Variants in MALT1 observed in about 807,000 individuals in gnomAD.
MALT1 encodes mucosa-associated lymphoid tissue lymphoma translocation protein 1.
Under a neutral mutation model 85.5 loss-of-function variants are expected in MALT1, and 36 were observed. That is an observed-to-expected ratio of 0.42 (90% CI 0.32 to 0.56). The LOEUF is 0.56. MALT1 is among the 20% of genes least tolerant of loss of function. The probability of loss-of-function intolerance (pLI) is 0.10; values close to 1 mark genes in which losing one functional copy is unlikely to be tolerated. For missense variants in MALT1, 716 were observed against 981.6 expected (o/e 0.73, Z 3.62); for synonymous variants, 359 against 361.3 (o/e 0.99, Z 0.07).
intron 1 of MALT1, among the ~76,000 whole-genome samples, chr18:58,673,093 CAT>C (rs1227868752): frequency 6.6e-6 from 1 of 152,146 alleles, no homozygotes; most frequent in African/African-American, 2.4e-5. Flanking sequence ...TATTTGTACA[CAT>C]CTTTATAAAT....
At chr18:58,745,534 T>G in intron 15 of MALT1, 132 bp from the exon 16 acceptor site, 4 of 671,618 alleles carry the variant, frequency 6.0e-6, no homozygotes, top group Non-Finnish European at 5.0e-6. Flanking sequence ...TGGATAATTT[T>G]GGGATTACCA....
At position 58,739,893 on chromosome 18, in the gene MALT1, A is replaced by G. The variant is rs1000594904; in HGVS notation, c.1604-1972A>G. ...CTTCTCTGGAGAACTCTAATACAGAAGAAGTACACCCTGTTGTTTACTGGG... is the reference window on the plus strand; with the variant it reads ...CTTCTCTGGAGAACTCTAATACAGAGGAAGTACACCCTGTTGTTTACTGGG... On this transcript the variant is annotated intron_variant, in intron 13 of 16. Transcript: ENST00000649217. Among the ~76,000 whole-genome samples the G allele has an allele frequency of 3.9e-5, 6 of 152,362 alleles. No individual in the cohort carries two copies. In the East Asian group the frequency reaches 9.6e-4, roughly 24 times the overall value.
chr18:58,708,161 C>T (rs561516100), intron 4 of MALT1, among the ~76,000 whole-genome samples: 1 of 152,190 alleles, frequency 6.6e-6, no homozygotes, highest in African/African-American at 2.4e-5. Flanking sequence ...TCTGTTGTGC[C>T]GTCAGCCTTC....
intron 1 of MALT1, among the ~76,000 whole-genome samples, chr18:58,674,930 A>T (rs899483815): frequency 7.9e-5 from 12 of 152,250 alleles, no homozygotes; most frequent in South Asian, 4.1e-4. Flanking sequence ...AATACAAATA[A>T]GTAAACCACA....
intron 9 of MALT1, among the ~76,000 whole-genome samples, chr18:58,718,555 A>G (rs1410904032): frequency 6.6e-6 from 1 of 152,192 alleles, no homozygotes; most frequent in Non-Finnish European, 1.5e-5. Flanking sequence ...GAGATGGAAC[A>G]ATTTCATCTC....
chr18:58,736,681 T>C lies in MALT1; in HGVS notation c.1603+1352T>C, dbSNP rs183483754. On this transcript the variant is annotated intron_variant, in intron 13 of 16. Transcript: ENST00000649217. ...GCTGTGAGGATATTTGAACTTCTTA[T>C]AAACATCTTAGACAGTTTTGCTTTT... is the stretch of plus-strand genomic sequence containing the variant. Among the ~76,000 whole-genome samples the C allele has an allele frequency of 1.2e-4, 19 of 152,374 alleles. No homozygotes were observed. The East Asian group carries it at 3.1e-3, about 25-fold the overall frequency.
intron 10 of MALT1, among the ~76,000 whole-genome samples, chr18:58,724,233 CT>C (rs1024835638): frequency 2.5e-4 from 38 of 151,162 alleles, no homozygotes; most frequent in Admixed American, 2.0e-3. Flanking sequence ...GGAACAAAAG[CT>C]TTTTTTTTCC....
intron 16 of MALT1, 88 bp from the exon 17 acceptor site, chr18:58,747,317 G>C: frequency 1.2e-6 from 1 of 803,788 alleles, no homozygotes. Flanking sequence ...GGATTTTTGG[G>C]GGTGGGGGTG....
At chr18:58,713,167 T>C (rs970599288) in intron 7 of MALT1, among the ~76,000 whole-genome samples, 2 of 152,134 alleles carry the variant, frequency 1.3e-5, no homozygotes, top group African/African-American at 4.8e-5. Context: ...ATGTAACATA[T>C]AAGAATAAAG....
intron 1 of MALT1, among the ~76,000 whole-genome samples, chr18:58,676,359 C>T (rs1356164972): frequency 6.6e-6 from 1 of 151,912 alleles, no homozygotes; most frequent in African/African-American, 2.4e-5. Context: ...AGATAGACCC[C>T]ATTAAAAAAA....
At chr18:58,732,012 G>C (rs543063088) in intron 10 of MALT1, among the ~76,000 whole-genome samples, 5 of 152,178 alleles carry the variant, frequency 3.3e-5, no homozygotes, top group African/African-American at 1.2e-4. Context: ...AAAAGCAGAC[G>C]ACCTGGATTT....
At chr18:58,686,382 A>T (rs1326024656) in intron 2 of MALT1, among the ~76,000 whole-genome samples, 3 of 152,190 alleles carry the variant, frequency 2.0e-5, no homozygotes, top group South Asian at 2.1e-4. Context: ...TATAGGCTTC[A>T]TCAGTCCTAG....
chr18:58,671,478 T>G lies in MALT1; in HGVS notation c.-166T>G, dbSNP rs1340881491. 4.8e-6 allele frequency: 2 copies of G among 420,900 alleles called. No individual in the cohort carries two copies. Among genetic ancestry groups the G allele is most frequent in the African/African-American group, 4.1e-5 (2 of 48,228 alleles). 26.1% of individuals were successfully genotyped at this position (420,900 alleles called of 1,614,324 possible). ...GCTCCCCTCGGCAAACCTGTCTAAT[T>G]GGGGCGGGGAGCGGAGCTTCCTCCT... On this transcript the variant is annotated 5_prime_UTR_variant, in exon 1 of 17. In the 5' UTR this introduces an upstream ATG that the reference lacks. Coordinates refer to ENST00000649217, the MANE Select transcript of MALT1 (RefSeq NM_006785.4).
intron 13 of MALT1, among the ~76,000 whole-genome samples, chr18:58,737,528 T>C (rs1057333500): frequency 6.6e-6 from 1 of 151,850 alleles, no homozygotes; most frequent in Non-Finnish European, 1.5e-5. Context: ...ATTCACAGAT[T>C]ATAAGCCAAG....
At position 58,724,798 on chromosome 18, in the gene MALT1, C is replaced by G. The variant is rs186181019; in HGVS notation, c.1222+1547C>G. Among the ~76,000 whole-genome samples, 1,188 of 152,152 alleles carry G rather than the reference C, an allele frequency of 7.8e-3. 7 individuals carry two copies. The highest frequency in any genetic ancestry group is 0.02 in the South Asian group (96 of 4,808). ...CCGAGGTGGGTGGATCACTTGAGCC[C>G]AGGAGTTTGAGACCAGCCTGGGCAA... is the stretch of plus-strand genomic sequence containing the variant. On this transcript the variant is annotated intron_variant, in intron 10 of 16. Transcript: ENST00000649217.
At chr18:58,728,231 A>G (rs1602328732) in intron 10 of MALT1, among the ~76,000 whole-genome samples, 1 of 152,268 alleles carries the variant, frequency 6.6e-6, no homozygotes, top group East Asian at 1.9e-4. Flanking sequence ...AAAAATACCT[A>G]TTTTCTTCTC....
chr18:58,750,990 A>C lies in MALT1; in HGVS notation c.*3148A>C, dbSNP rs1281978427. 6.6e-6 allele frequency: 1 copy of C among 152,206 alleles called. No individual in the cohort carries two copies. The highest frequency in any genetic ancestry group is 1.5e-5 in the Non-Finnish European group (1 of 68,036). The allele number at this position is 152,206 out of a possible 1,614,324, so 9.4% of individuals were successfully genotyped here. On this transcript the variant is annotated 3_prime_UTR_variant, in exon 17 of 17. Transcript: ENST00000649217. ...CATGTATCTGATAAAAAAACAAACA[A>C]ACATGCAGGTGCTCAGCTGTGGTTA...
intron 14 of MALT1, among the ~76,000 whole-genome samples, chr18:58,742,256 A>T (rs1351838362): frequency 1.8e-4 from 27 of 152,144 alleles, no homozygotes; most frequent in African/African-American, 2.4e-5. Context: ...CCATTTAAAA[A>T]TTTTTCTATT....
At position 58,736,571 on chromosome 18, in the gene MALT1, T is replaced by C. The variant is rs537543146; in HGVS notation, c.1603+1242T>C. ...TTCGTTTTTAAGTCCATTTTAACTA[T>C]TTTAAAACTTAATAAAAAGCACCAT... On this transcript the variant is annotated intron_variant, in intron 13 of 16. Transcript: ENST00000649217. Among the ~76,000 whole-genome samples, 44 of 152,378 alleles carry C rather than the reference T, an allele frequency of 2.9e-4. 1 individual carries two copies. The South Asian group carries it at 8.3e-3, about 29-fold the overall frequency.
Sources: gnomAD v4.1 joint callset for allele counts (sites outside exome capture counted in the v4.1 genomes callset) on GRCh38, gnomAD v4.1.1 for gene constraint, MANE v1.5 for transcripts, NCBI Gene and HGNC (gene_info 2026-07-23, HGNC 2026-07-21) for gene names.